KIF22: variants seen among roughly 807,000 people sequenced by gnomAD.
The protein encoded by KIF22 is kinesin family member 22.
A neutral mutation model predicts 73.0 loss-of-function variants in KIF22; 62 were observed. The observed-to-expected ratio is 0.85, with a 90% CI of 0.69 to 1.05. KIF22 has a LOEUF of 1.05. KIF22 is among the 50% of genes least tolerant of loss of function. The pLI is 0.00. For synonymous variants in KIF22, 411 were observed against 340.1 expected, an observed-to-expected ratio of 1.21 and a Z score of -2.29; for missense variants, 854 against 870.1, an observed-to-expected ratio of 0.98 and a Z score of 0.23.
At chr16:29,791,140 C>T (rs1447785360) in intron 1 of KIF22, 1 of 1,310,838 alleles carries the variant, frequency 7.6e-7, no homozygotes, top group Non-Finnish European at 9.7e-7. Flanking sequence ...GGGTCATGGC[C>T]TCATCCCTGG....
At position 29,805,290 on chromosome 16, in the gene KIF22, C is replaced by A. The variant is rs1178431395; in HGVS notation, c.1978C>A (p.Gln660Lys). 1 of 1,613,800 alleles carries A rather than the reference C, an allele frequency of 6.2e-7. No homozygotes were observed. Among genetic ancestry groups the A allele is most frequent in the Admixed American group, 1.7e-5 (1 of 60,030 alleles). ...KANILGLAAG[Q>K]RCGAS ...AAACATCCTGGGTCTCGCCGCCGGC[C>A]AGCGCTGTGGCGCCTCCTGACCGTC... The change falls in exon 14 of 14, where the codon CAG (glutamine) becomes AAG (lysine). Residue 660 changes from glutamine to lysine, a missense_variant. Physicochemically the swap from Gln to Lys is moderately conservative, Grantham distance 53 (BLOSUM62 1). Around this residue, in one of 3 missense-constraint regions of KIF22, gnomAD observed 423 missense variants for 365.4 expected, o/e 1.16. Transcript: ENST00000160827.
chr16:29,802,069 C>G (rs1406157505), intron 8 of KIF22, among the ~76,000 whole-genome samples: 2 of 151,910 alleles, frequency 1.3e-5, no homozygotes, highest in Non-Finnish European at 2.9e-5. Context: ...GAGTTCAAGA[C>G]CAGCCTGGGC....
chr16:29,803,681 T>C, intron 10 of KIF22, 73 bp downstream of exon 10: 1 of 1,216,426 alleles, frequency 8.2e-7, no homozygotes, highest in Non-Finnish European at 1.2e-6. Context: ...TAGGAGCAGC[T>C]GTCTCCATGT....
At chr16:29,803,724 G>A in intron 10 of KIF22, 116 bp downstream of exon 10, 1 of 936,112 alleles carries the variant, frequency 1.1e-6, no homozygotes, top group Non-Finnish European at 1.6e-6. Flanking sequence ...ACCAGTCCCA[G>A]GGAGGGGTGA....
intron 10 of KIF22, 53 bp downstream of exon 10, chr16:29,803,661 G>C: frequency 7.0e-7 from 1 of 1,437,514 alleles, no homozygotes; most frequent in Non-Finnish European, 9.6e-7. Context: ...TCCTATAAGG[G>C]AGGAAGTGTT....
At chr16:29,804,213 T>C (rs1163931964) in intron 11 of KIF22, 148 bp downstream of exon 11, 3 of 691,762 alleles carry the variant, frequency 4.3e-6, no homozygotes, top group Non-Finnish European at 7.9e-6. Context: ...ACCCCTGGAA[T>C]GTGGTGATGG....
chr16:29,800,326 A>G (rs1899095235), intron 8 of KIF22: 1 of 251,794 alleles, frequency 4.0e-6, no homozygotes, highest in Admixed American at 5.1e-5. Context: ...ATGTGGTGGC[A>G]TGTGCCTGTA....
chr16:29,797,458 G>C lies in KIF22; in HGVS notation c.266+370G>C, dbSNP rs996336810. Among the ~76,000 whole-genome samples, 1 of 152,062 alleles carries C rather than the reference G, an allele frequency of 6.6e-6. No homozygotes were observed. The highest frequency in any genetic ancestry group is 6.5e-5 in the Admixed American group (1 of 15,270). On this transcript the variant is annotated intron_variant, in intron 2 of 13. Coordinates refer to ENST00000160827, the MANE Select transcript of KIF22 (RefSeq NM_007317.3). The surrounding 1 kb of genome is among the most constrained non-coding windows in gnomAD (Gnocchi z 4.1). ...GTGTCAGAGAAGACCACCCAGATTT[G>C]GGGACAGAACTCAGAAGGGCAGCTA...
At position 29,798,854 on chromosome 16, in the gene KIF22, A is replaced by G; in HGVS notation, c.549+107A>G. ...CAGGGAGGTAAGGTGAGACCTAGAAAGACAGAGACTGGGGTAGCAGATGGT... is the reference window on the plus strand; with the variant it reads ...CAGGGAGGTAAGGTGAGACCTAGAAGGACAGAGACTGGGGTAGCAGATGGT... On this transcript the variant is annotated intron_variant, in intron 4 of 13. Coordinates refer to ENST00000160827, the MANE Select transcript of KIF22 (RefSeq NM_007317.3). The surrounding 1 kb of genome is among the most constrained non-coding windows in gnomAD (Gnocchi z 4.1). 1.3e-6 allele frequency: 2 copies of G among 1,539,326 alleles called. No homozygotes were observed. Among genetic ancestry groups the G allele is most frequent in the Non-Finnish European group, 8.9e-7 (1 of 1,124,204 alleles).
Position 29,798,802 on chromosome 16 carries a change from G to T in KIF22, c.549+55G>T. Reference sequence around the variant, plus strand: ...CAACAAAGGGTCAAAGTAAGACCTGGTTCTAGAACATGAAGCTCTGCTGTA... The same window carrying T: ...CAACAAAGGGTCAAAGTAAGACCTGTTTCTAGAACATGAAGCTCTGCTGTA... On this transcript the variant is annotated intron_variant, in intron 4 of 13. Transcript: ENST00000160827. The surrounding 1 kb of genome is among the most constrained non-coding windows in gnomAD (Gnocchi z 4.1). The T allele has an allele frequency of 6.3e-7, 1 of 1,591,596 alleles. No homozygotes were observed. The highest frequency in any genetic ancestry group is 1.7e-4 in the Middle Eastern group (1 of 5,886).
rs1250261797 is a variant in KIF22, at chr16:29,798,110, C to T, written c.267-264C>T. ...TCACAGCAAAGTGTGGATATCTATC[C>T]TACCAGACTGAAAAACTCCAAGAGC... On this transcript the variant is annotated intron_variant, in intron 2 of 13. Transcript: ENST00000160827. The surrounding 1 kb of genome is among the most constrained non-coding windows in gnomAD (Gnocchi z 4.1). Among the ~76,000 whole-genome samples, 1 of 152,122 alleles carries T rather than the reference C, an allele frequency of 6.6e-6. No homozygotes were observed. The highest frequency in any genetic ancestry group is 1.9e-4 in the East Asian group (1 of 5,202).
intron 1 of KIF22, chr16:29,792,412 A>C (rs1001215342): frequency 3.0e-6 from 3 of 985,264 alleles, no homozygotes; most frequent in Non-Finnish European, 3.6e-6. Flanking sequence ...TTCATGATGG[A>C]AATGAACAAG....
intron 10 of KIF22, 106 bp from the exon 11 acceptor site, chr16:29,803,892 T>C: frequency 1.1e-6 from 1 of 885,254 alleles, no homozygotes; most frequent in Non-Finnish European, 1.9e-6. Flanking sequence ...AGGTTAACTC[T>C]GGATGGAGGG....
intron 10 of KIF22, 104 bp from the exon 11 acceptor site, chr16:29,803,894 G>T (rs1899236484): frequency 1.1e-6 from 1 of 896,078 alleles, no homozygotes; most frequent in East Asian, 2.4e-5. Flanking sequence ...GTTAACTCTG[G>T]ATGGAGGGGA....
rs1899188439 is a variant in KIF22 at position 29,802,845 on chromosome 16, CA to C, written c.1358del (p.Gln453ArgfsTer9). The part of the protein sequence containing the change: ...LLSLDRLLAS[Q>X]GSQGAPLLST... ...CAGCTTGGACCGTCTGCTTGCCTCCCAGGGGAGCCAGGGGGCCCCTCTGTTG... is the reference window on the plus strand; with the variant it reads ...CAGCTTGGACCGTCTGCTTGCCTCCCGGGGAGCCAGGGGGCCCCTCTGTTG... On this transcript the variant is annotated frameshift_variant, in exon 9 of 14. Coordinates refer to ENST00000160827, the MANE Select transcript of KIF22 (RefSeq NM_007317.3). LOFTEE classifies it high-confidence loss of function. The C allele has an allele frequency of 6.2e-7, 1 of 1,611,528 alleles. No individual in the cohort carries two copies. Among genetic ancestry groups the C allele is most frequent in the Non-Finnish European group, 8.5e-7 (1 of 1,179,068 alleles).
In KIF22 at chr16:29,804,795, A is replaced by G. The variant is rs1292603330; in HGVS notation, c.1678-19A>G. On this transcript the variant is annotated intron_variant, in intron 11 of 13. Transcript: ENST00000160827. ...CACTTGGCTGCCCTGCGTGTCACTC[A>G]TCTCCCTTTGCCTCCCAGCTGGAGT... The G allele has an allele frequency of 2.5e-6, 4 of 1,582,094 alleles. No individual in the cohort carries two copies. The highest frequency in any genetic ancestry group is 3.6e-5 in the Admixed American group (2 of 55,748).
intron 1 of KIF22, among the ~76,000 whole-genome samples, chr16:29,795,242 A>G (rs1898919812): frequency 6.6e-6 from 1 of 152,224 alleles, no homozygotes; most frequent in African/African-American, 2.4e-5. Flanking sequence ...ACAAATGAGA[A>G]CTAGATGTCC....
Position 29,798,289 on chromosome 16 carries a change from C to A in KIF22, c.267-85C>A. ...TCCAGATGAGAGTAGAATCCCTTACCCACCCCCACCCCACTCCACCCCTTA... is the reference window on the plus strand; with the variant it reads ...TCCAGATGAGAGTAGAATCCCTTACACACCCCCACCCCACTCCACCCCTTA... On this transcript the variant is annotated intron_variant, in intron 2 of 13. Coordinates refer to ENST00000160827, the MANE Select transcript of KIF22 (RefSeq NM_007317.3). This position sits in a 1 kb window ranked among gnomAD's most constrained non-coding sequence, Gnocchi z 4.1. The A allele has an allele frequency of 2.3e-5, 26 of 1,143,422 alleles. No individual in the cohort carries two copies. Among genetic ancestry groups the A allele is most frequent in the Admixed American group, 8.3e-5 (4 of 47,952 alleles). 70.8% of individuals were successfully genotyped at this position (1,143,422 alleles called of 1,614,324 possible).
intron 1 of KIF22, 126 bp downstream of exon 1, chr16:29,790,955 GA>G (rs1429657674): frequency 4.0e-6 from 6 of 1,503,158 alleles, no homozygotes; most frequent in African/African-American, 1.4e-5. Context: ...GGGGCGGGGA[GA>G]GGGGGACGGT....
Sources: gnomAD v4.1 joint callset for allele counts (sites outside exome capture counted in the v4.1 genomes callset) on GRCh38, gnomAD v4.1.1 for gene constraint, gnomAD v4.1.1 regional missense constraint, Gnocchi (gnomAD v3.1) non-coding constraint, MANE v1.5 for transcripts, NCBI Gene and HGNC (gene_info 2026-07-23, HGNC 2026-07-21) for gene names.